NPR3: variants seen among roughly 807,000 people sequenced by gnomAD.
NPR3 encodes atrial natriuretic peptide receptor 3.
A neutral mutation model predicts 54.5 loss-of-function variants in NPR3; 34 were observed. That is an observed-to-expected ratio of 0.62 (90% CI 0.47 to 0.83). The LOEUF is 0.83. Among genes scored for constraint, NPR3 ranks in the 40% least tolerant of loss-of-function variants. NPR3 has a pLI of 0.00. For missense variants in NPR3, 674 were observed against 720.8 expected, an observed-to-expected ratio of 0.94 and a Z score of 0.74; for synonymous variants, 289 against 297.1, an observed-to-expected ratio of 0.97 and a Z score of 0.28.
chr5:32,763,271 C>T (rs977233691), intron 3 of NPR3, among the ~76,000 whole-genome samples: 2 of 151,992 alleles, frequency 1.3e-5, no homozygotes, highest in Admixed American at 6.6e-5. Context: ...AGAGTGATGC[C>T]TCCAGCTTTG....
chr5:32,752,520 T>C (rs554453031), intron 3 of NPR3, among the ~76,000 whole-genome samples: 2 of 152,188 alleles, frequency 1.3e-5, no homozygotes, highest in Non-Finnish European at 2.9e-5. Flanking sequence ...GAGCTGCATC[T>C]GGATAGAAGG....
chr5:32,762,095 A>T (rs1357414131), intron 3 of NPR3, among the ~76,000 whole-genome samples: 8 of 152,110 alleles, frequency 5.3e-5, no homozygotes, highest in Admixed American at 3.9e-4. Flanking sequence ...TCCCAGCTTC[A>T]TCCATGTCCT....
At chr5:32,725,862 T>C (rs1187379457) in intron 2 of NPR3, among the ~76,000 whole-genome samples, 4 of 152,216 alleles carry the variant, frequency 2.6e-5, no homozygotes, top group Non-Finnish European at 5.9e-5. Flanking sequence ...TCCAGATTAC[T>C]GCACCTTAAA....
intron 2 of NPR3, among the ~76,000 whole-genome samples, chr5:32,733,144 C>T (rs944730021): frequency 9.2e-5 from 14 of 151,886 alleles, no homozygotes; most frequent in African/African-American, 3.4e-4. Flanking sequence ...CGTGCCCGGC[C>T]AAGGCATCTA....
At chr5:32,722,973 G>A (rs934372171) in intron 1 of NPR3, among the ~76,000 whole-genome samples, 7 of 152,016 alleles carry the variant, frequency 4.6e-5, no homozygotes, top group African/African-American at 9.7e-5. Flanking sequence ...GCTGTACACC[G>A]AGCCCTTTTG....
At chr5:32,761,477 A>C (rs982432012) in intron 3 of NPR3, among the ~76,000 whole-genome samples, 7 of 152,098 alleles carry the variant, frequency 4.6e-5, no homozygotes, top group Non-Finnish European at 8.8e-5. Context: ...GTTCATTGCT[A>C]GTATATAGAA....
rs1306926685 is a variant in NPR3, at chr5:32,782,980, G to C, written c.1378G>C (p.Asp460His). The C allele has an allele frequency of 6.2e-7, 1 of 1,607,844 alleles. No homozygotes were observed. Among genetic ancestry groups the C allele is most frequent in the South Asian group, 1.1e-5 (1 of 89,942 alleles). The stretch of plus-strand genomic sequence containing the variant: ...TTGGGGCCCTTTAAAACTGAGAATA[G>C]ATGAAAACCGAATTGTAGAGCATAC... ...YPWGPLKLRI[D>H]ENRIVEHTNS... The change falls in exon 6 of 8, where the codon GAT becomes CAT. Residue 460 changes from aspartate to histidine, a missense_variant. By Grantham distance (81) the Asp-to-His change is moderately conservative. Coordinates refer to ENST00000265074, the MANE Select transcript of NPR3 (RefSeq NM_001204375.2).
chr5:32,773,843 T>C (rs1741895812), intron 3 of NPR3, among the ~76,000 whole-genome samples: 1 of 152,244 alleles, frequency 6.6e-6, no homozygotes, highest in South Asian at 2.1e-4. Context: ...TTTTATTTAA[T>C]AGAATTCTTG....
At chr5:32,763,037 G>T (rs1350680450) in intron 3 of NPR3, among the ~76,000 whole-genome samples, 2 of 152,174 alleles carry the variant, frequency 1.3e-5, no homozygotes, top group East Asian at 3.8e-4. Context: ...TCAAGTTTCA[G>T]TTTTCTGCAT....
At chr5:32,716,425 T>C (rs1346867412) in intron 1 of NPR3, 1 of 455,718 alleles carries the variant, frequency 2.2e-6, no homozygotes, top group Non-Finnish European at 4.4e-6. Flanking sequence ...AAGAAAATTC[T>C]CTTCTTGATC....
intron 2 of NPR3, among the ~76,000 whole-genome samples, chr5:32,731,961 G>A (rs987906366): frequency 1.3e-5 from 2 of 152,050 alleles, no homozygotes; most frequent in African/African-American, 4.8e-5. Flanking sequence ...TCCATTCTCG[G>A]CCGGGCGCGG....
chr5:32,703,123 T>A (rs1231288290), intron 1 of NPR3, among the ~76,000 whole-genome samples: 2 of 152,194 alleles, frequency 1.3e-5, no homozygotes, highest in Non-Finnish European at 2.9e-5. Context: ...AGGATTATGA[T>A]GAGTACTTCC....
In NPR3 at chr5:32,712,556, G is replaced by T; in HGVS notation, c.769+11G>T. The T allele has an allele frequency of 6.6e-7, 1 of 1,505,438 alleles. No homozygotes were observed. 93.3% of individuals were successfully genotyped at this position (1,505,438 alleles called of 1,614,324 possible). A position where few individuals can be genotyped will look rare whatever the true frequency, so the allele number is the denominator to read the frequency against. Reference sequence around the variant, plus strand: ...AGGCCAGTGAGAGAGGTGAGCAGGGGCGCGTCCCGGGCCCCGGGCCCTAAC... The same window carrying T: ...AGGCCAGTGAGAGAGGTGAGCAGGGTCGCGTCCCGGGCCCCGGGCCCTAAC... On this transcript the variant is annotated intron_variant, in intron 1 of 7. Coordinates refer to ENST00000265074, the MANE Select transcript of NPR3 (RefSeq NM_001204375.2).
At chr5:32,718,855 G>C (rs1006343829) in intron 1 of NPR3, among the ~76,000 whole-genome samples, 1 of 152,096 alleles carries the variant, frequency 6.6e-6, no homozygotes, top group Non-Finnish European at 1.5e-5. Context: ...TCTCCTGCCT[G>C]ATTGCCCTGG....
chr5:32,713,558 C>G, intron 1 of NPR3: 3 of 802,164 alleles, frequency 3.7e-6, no homozygotes, highest in Non-Finnish European at 4.5e-6. Context: ...CCTTGGCGCT[C>G]ACGCGCCTGG....
At position 32,786,768 on chromosome 5, in the gene NPR3, C is replaced by T. The variant is rs906254129; in HGVS notation, c.*423C>T. The stretch of plus-strand genomic sequence containing the variant: ...GCATTCTTGGAAAGAATTTAACACC[C>T]AAAAAGGGGAAAATGTAATGAAAAA... On this transcript the variant is annotated 3_prime_UTR_variant, in exon 8 of 8. Coordinates refer to ENST00000265074, the MANE Select transcript of NPR3 (RefSeq NM_001204375.2). The T allele has an allele frequency of 3.4e-5, 6 of 178,264 alleles. No homozygotes were observed. Among genetic ancestry groups the T allele is most frequent in the Non-Finnish European group, 5.7e-5 (5 of 87,310 alleles). 11.0% of individuals were successfully genotyped at this position (178,264 alleles called of 1,614,324 possible).
chr5:32,783,087 A>G (rs747280930), intron 6 of NPR3, 59 bp downstream of exon 6: 37 of 1,509,446 alleles, frequency 2.5e-5, no homozygotes, highest in Non-Finnish European at 3.2e-5. Flanking sequence ...AGTGTAATGT[A>G]AGTTTAAAAC....
At chr5:32,784,436 A>T (rs749103038) in intron 6 of NPR3, among the ~76,000 whole-genome samples, 37 of 152,046 alleles carry the variant, frequency 2.4e-4, no homozygotes, top group Non-Finnish European at 5.3e-4. Context: ...TGATCCACCC[A>T]CCTTGGCCTC....
chr5:32,700,330 G>T (rs1456978012), intron 1 of NPR3, among the ~76,000 whole-genome samples: 1 of 152,050 alleles, frequency 6.6e-6, no homozygotes, highest in African/African-American at 2.4e-5. Context: ...AGTAACTCTT[G>T]AATTTGCCCC....
Sources: gnomAD v4.1 joint callset for allele counts (sites outside exome capture counted in the v4.1 genomes callset) on GRCh38, gnomAD v4.1.1 for gene constraint, MANE v1.5 for transcripts, NCBI Gene and HGNC (gene_info 2026-07-23, HGNC 2026-07-21) for gene names.